Variants in MAST2 observed in about 807,000 individuals in gnomAD.
MAST2 encodes the protein microtubule-associated serine/threonine-protein kinase 2.
In MAST2, 70 loss-of-function variants were observed where a neutral mutation model predicts 147.4. The ratio of observed to expected loss-of-function variants is 0.47; its 90% CI spans 0.39 to 0.58. The LOEUF (loss-of-function observed/expected upper bound fraction) is 0.58, where lower values mean the gene tolerates loss of function less well. Among genes scored for constraint, MAST2 ranks in the 20% least tolerant of loss-of-function variants. The pLI, the probability that MAST2 is intolerant of heterozygous loss-of-function variation, is 0.00. For missense variants in MAST2, 2,080 were observed against 2,302.3 expected (o/e 0.90, Z 1.98); for synonymous variants, 869 against 896.8 (o/e 0.97, Z 0.55).
intron 4 of MAST2, among the ~76,000 whole-genome samples, chr1:45,912,150 G>A (rs1051249574): frequency 2.6e-5 from 4 of 151,996 alleles, no homozygotes; most frequent in African/African-American, 9.7e-5. Flanking sequence ...AAAAAAGAGG[G>A]TGCTGAGAGG....
intron 11 of MAST2, among the ~76,000 whole-genome samples, chr1:46,020,299 G>A (rs867824234): frequency 2.6e-5 from 4 of 152,234 alleles, no homozygotes; most frequent in South Asian, 4.1e-4. Context: ...TCAGCAAACT[G>A]AAGGATGAGT....
chr1:45,988,647 C>T (rs1644742244), intron 5 of MAST2, among the ~76,000 whole-genome samples: 1 of 152,110 alleles, frequency 6.6e-6, no homozygotes, highest in Non-Finnish European at 1.5e-5. Context: ...CACTGATCTT[C>T]CCATTTATTT....
chr1:45,860,148 A>G (rs1645926721), intron 3 of MAST2, among the ~76,000 whole-genome samples: 1 of 152,002 alleles, frequency 6.6e-6, no homozygotes, highest in Admixed American at 6.6e-5. Context: ...ACTTGAGGCC[A>G]GGAGTTTGTG....
chr1:45,928,512 G>A (rs1654759285), intron 4 of MAST2, among the ~76,000 whole-genome samples: 1 of 151,582 alleles, frequency 6.6e-6, no homozygotes, highest in Non-Finnish European at 1.5e-5. Context: ...AATATTACTG[G>A]GACAACAGAC....
Position 45,996,220 on chromosome 1 carries a change from G to A in MAST2, c.593-1504G>A, listed in dbSNP as rs537348278. 7.1e-4 allele frequency among the ~76,000 whole-genome samples: 108 copies of A among 151,856 alleles called. 1 individual carries two copies. The highest frequency in any genetic ancestry group is 7.0e-3 in the Admixed American group (107 of 15,248). On this transcript the variant is annotated intron_variant, in intron 5 of 28. Transcript: ENST00000361297. ...GATCCTTGGAAGGCTGGTCATTGTA[G>A]GATGCTCATGTCCAGGCATCTCCTT...
At chr1:46,011,411 CTT>C (rs1458988393) in intron 10 of MAST2, among the ~76,000 whole-genome samples, 3 of 152,184 alleles carry the variant, frequency 2.0e-5, no homozygotes, top group Non-Finnish European at 4.4e-5. Context: ...CTAGTTGGGA[CTT>C]ACATGTTTTG....
intron 4 of MAST2, among the ~76,000 whole-genome samples, chr1:45,917,911 C>G (rs10789481): frequency 0.45 from 68,465 of 151,942 alleles, 15,610 homozygotes; most frequent in East Asian, 0.62. Flanking sequence ...ATGGTTTGTT[C>G]AGGTTGAGGA....
intron 4 of MAST2, among the ~76,000 whole-genome samples, chr1:45,911,761 A>G (rs939603811): frequency 1.3e-5 from 2 of 150,738 alleles, no homozygotes; most frequent in Admixed American, 6.6e-5. Context: ...TGAGTACTAC[A>G]TGAATATTAA....
intron 4 of MAST2, among the ~76,000 whole-genome samples, chr1:45,937,187 C>T (rs1294358360): frequency 1.3e-5 from 2 of 151,776 alleles, no homozygotes; most frequent in Non-Finnish European, 2.9e-5. Context: ...CCTTCCACTT[C>T]AGCCTCCTGA....
At position 46,031,650 on chromosome 1, in the gene MAST2, A is replaced by G; in HGVS notation, c.3187+65A>G. The G allele has an allele frequency of 4.7e-6, 7 of 1,501,226 alleles. No individual in the cohort carries two copies. The highest frequency in any genetic ancestry group is 4.5e-6 in the Non-Finnish European group (5 of 1,101,854). 93.0% of individuals were successfully genotyped at this position (1,501,226 alleles called of 1,614,324 possible). Reference sequence around the variant, plus strand: ...GGCCTTGTAATCTCTAGGCCTTGGGAGGGTTCTGCACGTGGCAGGTGTGTG... The same window carrying G: ...GGCCTTGTAATCTCTAGGCCTTGGGGGGGTTCTGCACGTGGCAGGTGTGTG... On this transcript the variant is annotated intron_variant, in intron 24 of 28. Transcript: ENST00000361297. The surrounding 1 kb of genome is among the most constrained non-coding windows in gnomAD (Gnocchi z 4.1).
Position 46,031,416 on chromosome 1 carries a change from C to T in MAST2, c.3018C>T (p.Thr1006=). The T allele has an allele frequency of 6.2e-7, 1 of 1,613,690 alleles. No homozygotes were observed. The highest frequency in any genetic ancestry group is 8.5e-7 in the Non-Finnish European group (1 of 1,179,724). ...SPAMETRGRG[T]SQLAEGATAK... is the part of the protein sequence containing the mutation. ...CTATGGAGACCCGAGGCCGTGGGACCTCACAGCTGGCTGAGGGAGCCACAG... is the reference window on the plus strand; with the variant it reads ...CTATGGAGACCCGAGGCCGTGGGACTTCACAGCTGGCTGAGGGAGCCACAG... The change falls in exon 24 of 29, where the codon ACC becomes ACT. Residue 1006 remains threonine, a synonymous_variant. Transcript: ENST00000361297. The surrounding 1 kb of genome is among the most constrained non-coding windows in gnomAD (Gnocchi z 4.1).
At chr1:46,003,450 A>G (rs1645355217) in intron 7 of MAST2, among the ~76,000 whole-genome samples, 1 of 152,092 alleles carries the variant, frequency 6.6e-6, no homozygotes, top group South Asian at 2.1e-4. Flanking sequence ...GCTATGCACA[A>G]TTGACCCTTA....
intron 3 of MAST2, among the ~76,000 whole-genome samples, chr1:45,842,310 A>G (rs1645301492): frequency 6.6e-6 from 1 of 152,198 alleles, no homozygotes; most frequent in Admixed American, 6.5e-5. Context: ...AAAAATATTG[A>G]TATGAAATTT....
chr1:45,820,893 C>CTTTTTTTTTTTTTTTTTTTTTTTTTTTTT (rs769508054), intron 1 of MAST2, among the ~76,000 whole-genome samples: 1 of 43,078 alleles, frequency 2.3e-5, no homozygotes, highest in African/African-American at 9.8e-5. Flanking sequence ...CTTTCTTTCT[C>CTTTTTTTTTTTTTTTTTTTTTTTTTTTTT]TTTTTTTTTT....
chr1:46,013,572 C>T (rs1419129819), intron 10 of MAST2, among the ~76,000 whole-genome samples: 4 of 151,374 alleles, frequency 2.6e-5, no homozygotes, highest in Non-Finnish European at 2.9e-5. Flanking sequence ...CCCAGCCGCT[C>T]GGGAGGCTGA....
In MAST2 at chr1:46,008,349, T is replaced by A; in HGVS notation, c.956T>A (p.Val319Asp). 1 of 1,612,748 alleles carries A rather than the reference T, an allele frequency of 6.2e-7. No homozygotes were observed. Among genetic ancestry groups the A allele is most frequent in the South Asian group, 1.1e-5 (1 of 91,034 alleles). ...FDSEIIMMNH[V>D]YKERFPKATA... ...AGTGAAATAATAATGATGAATCATG[T>A]TTACAAAGAAAGATTCCCAAAGGTA... is the stretch of plus-strand genomic sequence containing the variant. The change falls in exon 9 of 29, where the codon GTT (valine) becomes GAT (aspartate). Residue 319 changes from valine (V) to aspartate (D), a missense_variant. Val to Asp is a radical substitution (Grantham distance 152, BLOSUM62 -3). Transcript: ENST00000361297.
intron 4 of MAST2, among the ~76,000 whole-genome samples, chr1:45,940,650 C>T (rs1245165360): frequency 2.0e-5 from 3 of 148,736 alleles, no homozygotes; most frequent in Non-Finnish European, 3.0e-5. Flanking sequence ...GACAGAGTCT[C>T]GCTCTGTCGC....
chr1:46,027,979 G>C (rs1010096301), intron 17 of MAST2, 116 bp downstream of exon 17: 1 of 1,224,514 alleles, frequency 8.2e-7, no homozygotes, highest in South Asian at 1.4e-5. Flanking sequence ...ATCGCTTGAG[G>C]CCAGCCTGGG....
chr1:45,910,614 G>A (rs183041342), intron 4 of MAST2, among the ~76,000 whole-genome samples: 8 of 152,298 alleles, frequency 5.3e-5, no homozygotes, highest in Non-Finnish European at 7.4e-5. Flanking sequence ...GCTAAATTAT[G>A]AGTACCTTCA....
Sources: allele counts gnomAD v4.1 joint callset (sites outside exome capture counted in the v4.1 genomes callset), GRCh38; gene constraint gnomAD v4.1.1; non-coding constraint Gnocchi (gnomAD v3.1); transcripts MANE v1.5; gene names NCBI Gene and HGNC (gene_info 2026-07-23, HGNC 2026-07-21).